The following LRRC37A2 variants were observed in gnomAD, a reference collection of about 807,000 sequenced individuals.
The protein encoded by LRRC37A2 is leucine rich repeat containing 37 member A2.
A neutral mutation model predicts 68.8 loss-of-function variants in LRRC37A2; 9 were observed. The ratio of observed to expected loss-of-function variants is 0.13; its 90% CI spans 0.08 to 0.23. The LOEUF (loss-of-function observed/expected upper bound fraction) is 0.23. Among genes scored for constraint, LRRC37A2 ranks in the 10% least tolerant of loss-of-function variants. The probability of loss-of-function intolerance (pLI) is 1.00; values close to 1 mark genes in which losing one functional copy is unlikely to be tolerated. For synonymous variants in LRRC37A2, 63 were observed against 367.6 expected, an observed-to-expected ratio of 0.17 and a Z score of 9.48; for missense variants, 168 against 950.4, an observed-to-expected ratio of 0.18 and a Z score of 10.82.
chr17:46,542,703 A>G (rs1197302865), intron 8 of LRRC37A2, among the ~76,000 whole-genome samples: 1 of 149,988 alleles, frequency 6.7e-6, no homozygotes, highest in Non-Finnish European at 1.5e-5. Context: ...TAAAATATAT[A>G]TATATTTATA....
the LRRC37A2 span, among the ~76,000 whole-genome samples, chr17:46,957,692 A>G: frequency 3.0e-4 from 45 of 152,340 alleles, no homozygotes; most frequent in Admixed American, 2.2e-3. Flanking sequence ...CAAACAGGAC[A>G]TGAAGGAAGA....
chr17:46,404,738 T>C, the LRRC37A2 span, among the ~76,000 whole-genome samples: 1 of 99,558 alleles, frequency 1.0e-5, no homozygotes, highest in East Asian at 2.5e-4. Context: ...GGCGTGGTGG[T>C]GGGTACCTGT....
chr17:46,543,081 TAGTG>T (rs1242788178), intron 8 of LRRC37A2, among the ~76,000 whole-genome samples: 2 of 150,088 alleles, frequency 1.3e-5, no homozygotes, highest in South Asian at 4.2e-4. Context: ...TTCTCTAAGA[TAGTG>T]AGGATCTGTC....
chr17:46,842,627 T>C, the LRRC37A2 span, among the ~76,000 whole-genome samples: 4 of 152,184 alleles, frequency 2.6e-5, no homozygotes, highest in Admixed American at 2.0e-4. Flanking sequence ...CCCATCTCAG[T>C]CTCCCAAAGT....
chr17:46,712,700 T>C, the LRRC37A2 span, among the ~76,000 whole-genome samples: 1 of 152,058 alleles, frequency 6.6e-6, no homozygotes, highest in Non-Finnish European at 1.5e-5. Flanking sequence ...TCACTTACAG[T>C]GAGGGTGTGG....
At chr17:46,726,684 G>T in the LRRC37A2 span, 1 of 1,324,672 alleles carries the variant, frequency 7.5e-7, no homozygotes, top group Non-Finnish European at 1.1e-6. Context: ...AGTTACAAGA[G>T]AAAATTAACA....
At chr17:46,542,541 A>ATT (rs999362484) in intron 8 of LRRC37A2, among the ~76,000 whole-genome samples, 5 of 148,356 alleles carry the variant, frequency 3.4e-5, no homozygotes, top group African/African-American at 1.3e-4. Context: ...AGATATATAT[A>ATT]TAAATCAGCC....
At chr17:47,021,627 A>G in the LRRC37A2 span, 2 of 582,656 alleles carry the variant, frequency 3.4e-6, no homozygotes, top group Non-Finnish European at 5.8e-6. Flanking sequence ...GATGGGATGG[A>G]TAAGAAGTTA....
At chr17:46,726,049 T>A in the LRRC37A2 span, among the ~76,000 whole-genome samples, 1 of 152,226 alleles carries the variant, frequency 6.6e-6, no homozygotes, top group Non-Finnish European at 1.5e-5. Flanking sequence ...ATCTATCTGA[T>A]CCTTCATACT....
chr17:46,756,398 A>G, the LRRC37A2 span: 2 of 152,234 alleles, frequency 1.3e-5, no homozygotes, highest in African/African-American at 4.8e-5. Flanking sequence ...GTTCTCAATC[A>G]TTGTCAGAGA....
the LRRC37A2 span, among the ~76,000 whole-genome samples, chr17:46,610,058 TCTTTCTTTC>T: frequency 2.4e-3 from 336 of 139,566 alleles, 20 homozygotes; most frequent in African/African-American, 6.7e-3. Flanking sequence ...TTTCTTTCTT[TCTTTCTTTC>T]CTTTCTTTCC....
chr17:46,622,471 T>G, the LRRC37A2 span, among the ~76,000 whole-genome samples: 2 of 149,140 alleles, frequency 1.3e-5, no homozygotes, highest in Admixed American at 1.3e-4. Context: ...CAAATTAAAA[T>G]AAATAAATAA....
At chr17:46,864,844 T>C in the LRRC37A2 span, among the ~76,000 whole-genome samples, 2,948 of 152,202 alleles carry the variant, frequency 0.019, 88 homozygotes, top group African/African-American at 0.068. Flanking sequence ...ACACTTGGCA[T>C]GCCCTTGCCC....
At chr17:46,496,637 T>A in the LRRC37A2 span, among the ~76,000 whole-genome samples, 67,125 of 107,470 alleles carry the variant, frequency 0.62, 23,311 homozygotes, top group Middle Eastern at 0.81. Context: ...AAAACAGGCC[T>A]GGTGCAGTGG....
the LRRC37A2 span, among the ~76,000 whole-genome samples, chr17:46,741,772 T>TGTC: frequency 6.6e-6 from 1 of 151,022 alleles, no homozygotes; most frequent in African/African-American, 2.4e-5. Context: ...TTTTTGTTTT[T>TGTC]GTTGTTGTTG....
the LRRC37A2 span, among the ~76,000 whole-genome samples, chr17:46,762,073 CAA>C: frequency 6.6e-6 from 1 of 152,220 alleles, no homozygotes; most frequent in Admixed American, 6.5e-5. Flanking sequence ...AATTTTCAGT[CAA>C]GTTTCATTTT....
chr17:46,874,966 A>G, the LRRC37A2 span: 2 of 1,394,198 alleles, frequency 1.4e-6, no homozygotes, highest in Non-Finnish European at 2.0e-6. Context: ...CTCAAGCCAC[A>G]TTCTCTTGTC....
chr17:46,662,176 C>T, the LRRC37A2 span, among the ~76,000 whole-genome samples: 2 of 3,466 alleles, frequency 5.8e-4, no homozygotes, highest in Admixed American at 4.7e-3. Flanking sequence ...GGTTTCACCA[C>T]GTTGCCCAGG....
At chr17:46,864,000 A>G in the LRRC37A2 span, among the ~76,000 whole-genome samples, 77,435 of 152,056 alleles carry the variant, frequency 0.51, 21,075 homozygotes, top group East Asian at 0.88. Context: ...AGCATGGGAC[A>G]TCTCTGCCTA....
Sources: allele counts gnomAD v4.1 joint callset (sites outside exome capture counted in the v4.1 genomes callset), GRCh38; gene constraint gnomAD v4.1.1; transcripts MANE v1.5; gene names NCBI Gene and HGNC (gene_info 2026-07-23, HGNC 2026-07-21).